SMG1: variants seen among roughly 807,000 people sequenced by gnomAD.
The protein encoded by SMG1 is SMG1 nonsense mediated mRNA decay associated PI3K related kinase.
In SMG1, 22 loss-of-function variants were observed where a neutral mutation model predicts 419.9. The observed-to-expected ratio is 0.05, with a 90% CI of 0.04 to 0.07. The LOEUF is 0.07. Ranked by LOEUF, SMG1 falls within the 10% of genes least tolerant of loss-of-function variation. SMG1 has a pLI of 1.00. For synonymous variants in SMG1, 1,538 were observed against 1,553.5 expected (o/e 0.99, Z 0.23); for missense variants, 3,185 against 4,342.0 (o/e 0.73, Z 7.49).
intron 48 of SMG1, 47 bp downstream of exon 48, chr16:18,835,886 A>AGCCTG (rs1166590880): frequency 2.2e-5 from 34 of 1,523,392 alleles, no homozygotes; most frequent in Admixed American, 1.0e-4. Context: ...GTGACAGAAC[A>AGCCTG]AGACTCCGTC....
intron 1 of SMG1, among the ~76,000 whole-genome samples, chr16:18,909,815 G>A (rs1391038824): frequency 1.3e-5 from 2 of 152,052 alleles, no homozygotes; most frequent in East Asian, 3.9e-4. Flanking sequence ...GAAATTTACT[G>A]AGGTCTTTGT....
chr16:18,847,630 T>G (rs372475757), intron 37 of SMG1, 23 bp from the exon 38 acceptor site: 1 of 1,613,576 alleles, frequency 6.2e-7, no homozygotes, highest in African/African-American at 1.3e-5. Flanking sequence ...CACACCCAAA[T>G]AGCTCATCTA....
At position 18,852,329 on chromosome 16, in the gene SMG1, A is replaced by G. The variant is rs2034649149; in HGVS notation, c.4902T>C (p.Val1634=). Residue 1634 remains valine (V), a synonymous_variant, in exon 32 of 63, where the codon GTT becomes GTC. Transcript: ENST00000446231. ...ACATTTAAACATACCTGGCATTGTC[A>G]ACCACCTTTCTGCCCCACCTATAAG... ...SWAYRWGRKV[V]DNASQGEGVR... is the part of the protein sequence containing the mutation. 7 of 1,611,966 alleles carry G rather than the reference A, an allele frequency of 4.3e-6. No homozygotes were observed. Among genetic ancestry groups the G allele is most frequent in the Non-Finnish European group, 5.9e-6 (7 of 1,179,262 alleles).
At chr16:18,815,680 A>T (rs373886088) in intron 58 of SMG1, 29 bp from the exon 59 acceptor site, 1 of 1,588,860 alleles carries the variant, frequency 6.3e-7, no homozygotes, top group African/African-American at 1.3e-5. Flanking sequence ...TGATTAAGAA[A>T]AATAGTTTTA....
At position 18,836,387 on chromosome 16, in the gene SMG1, G is replaced by C. The variant is rs768494835; in HGVS notation, c.7750C>G (p.Gln2584Glu). ...AGGTCCATTTGTGTGCTTATCTCTT[G>C]AAGCAAGCTTGCAAGCTGTGTTGCT... ...LEATQLASLL[Q>E]EISTQMDLGP... Residue 2584 changes from glutamine (Q) to glutamate (E), a missense_variant, in exon 47 of 63, where the codon CAA becomes GAA. This residue lies in a region of SMG1 where 412 missense variants were observed against 546.6 expected (regional missense o/e 0.75). Transcript: ENST00000446231. 1.2e-5 allele frequency: 20 copies of C among 1,613,762 alleles called. No homozygotes were observed. Among genetic ancestry groups the C allele is most frequent in the Admixed American group, 6.7e-5 (4 of 59,988 alleles).
intron 56 of SMG1, among the ~76,000 whole-genome samples, chr16:18,818,737 C>G (rs1314443084): frequency 1.3e-5 from 2 of 149,168 alleles, no homozygotes; most frequent in Non-Finnish European, 3.0e-5. Context: ...CAATTTTGTA[C>G]TTAGTTGAAA....
At chr16:18,815,934 G>A (rs560622879) in intron 58 of SMG1, 6 of 461,062 alleles carry the variant, frequency 1.3e-5, no homozygotes, top group African/African-American at 1.2e-4. Flanking sequence ...ACACTGGAGG[G>A]AAGAGACAAC....
chr16:18,910,042 G>A (rs1310170671), intron 1 of SMG1, among the ~76,000 whole-genome samples: 8 of 150,496 alleles, frequency 5.3e-5, no homozygotes, highest in Non-Finnish European at 1.2e-4. Context: ...AGTTCCTTAA[G>A]AGACAGCAAT....
intron 5 of SMG1, among the ~76,000 whole-genome samples, 165 bp downstream of exon 5, chr16:18,890,698 C>T (rs1191042370): frequency 1.3e-5 from 2 of 152,146 alleles, no homozygotes; most frequent in African/African-American, 4.8e-5. Context: ...TTGTATTCAA[C>T]CGTAATTAAC....
Position 18,841,592 on chromosome 16 carries a change from T to C in SMG1, c.6669A>G (p.Gln2223=), listed in dbSNP as rs373434050. ...TTTGTGCTTGTAAGGCAGCTTCCCGTTGTTGCCATCGTTTGTAAAGACCAA... is the reference window on the plus strand; with the variant it reads ...TTTGTGCTTGTAAGGCAGCTTCCCGCTGTTGCCATCGTTTGTAAAGACCAA... ...PLFGLYKRWQ[Q]REAALQAQKA... is the part of the protein sequence containing the mutation. The change falls in exon 41 of 63, where the codon CAA becomes CAG. Residue 2223 remains glutamine, a synonymous_variant. Transcript: ENST00000446231. 13 of 1,613,958 alleles carry C rather than the reference T, an allele frequency of 8.1e-6. No individual in the cohort carries two copies. The Middle Eastern group carries it at 4.9e-4, about 61-fold the overall frequency.
chr16:18,854,543 C>A, intron 30 of SMG1, 113 bp downstream of exon 30: 1 of 1,004,168 alleles, frequency 1.0e-6, no homozygotes, highest in Non-Finnish European at 1.4e-6. Context: ...TGTTCTGCAA[C>A]AGCTGGAAAT....
chr16:18,834,748 A>G, intron 49 of SMG1, 144 bp downstream of exon 49: 1 of 967,150 alleles, frequency 1.0e-6, no homozygotes, highest in Non-Finnish European at 1.5e-6. Flanking sequence ...CCCTGTCTCA[A>G]AACACAACCA....
At chr16:18,847,751 A>G in intron 37 of SMG1, 65 bp downstream of exon 37, 1 of 1,583,092 alleles carries the variant, frequency 6.3e-7, no homozygotes, top group Non-Finnish European at 8.6e-7. Flanking sequence ...GTCAATACAG[A>G]TTGGCAAAAG....
chr16:18,873,450 G>T (rs561626882), intron 13 of SMG1, among the ~76,000 whole-genome samples: 33 of 152,234 alleles, frequency 2.2e-4, no homozygotes, highest in African/African-American at 7.7e-4. Flanking sequence ...TTGAACTCCT[G>T]AGCTCAGGTG....
chr16:18,866,425 C>A, intron 23 of SMG1, 196 bp downstream of exon 23: 2 of 606,564 alleles, frequency 3.3e-6, no homozygotes, highest in Non-Finnish European at 5.8e-6. Context: ...ACTAATTCTT[C>A]AGTAAGAAAG....
At chr16:18,839,401 T>G (rs959249672) in intron 42 of SMG1, among the ~76,000 whole-genome samples, 1 of 152,112 alleles carries the variant, frequency 6.6e-6, no homozygotes, top group African/African-American at 2.4e-5. Flanking sequence ...TGTCCATGTG[T>G]GCTCAATGTT....
chr16:18,867,013 CCAAA>C (rs1348604134), intron 22 of SMG1, among the ~76,000 whole-genome samples: 3 of 152,068 alleles, frequency 2.0e-5, no homozygotes, highest in South Asian at 2.1e-4. Context: ...CCAAAGTTAC[CCAAA>C]CATTCAACCT....
intron 10 of SMG1, among the ~76,000 whole-genome samples, chr16:18,881,745 A>G (rs1424409606): frequency 2.6e-5 from 4 of 152,210 alleles, no homozygotes; most frequent in Non-Finnish European, 5.9e-5. Flanking sequence ...ATCAAAGAAT[A>G]TAAAGGTATA....
chr16:18,863,542 T>C (rs62046318), intron 25 of SMG1, 108 bp downstream of exon 25: 68,874 of 1,004,348 alleles, frequency 0.069, 2,889 homozygotes, highest in African/African-American at 0.16. Context: ...GTTAGATATA[T>C]AACCATTTTG....
Sources: allele counts gnomAD v4.1 joint callset (sites outside exome capture counted in the v4.1 genomes callset), GRCh38; gene constraint gnomAD v4.1.1; regional missense constraint gnomAD v4.1.1; transcripts MANE v1.5; gene names NCBI Gene and HGNC (gene_info 2026-07-23, HGNC 2026-07-21).